Variants in CHD7 observed in about 807,000 individuals in gnomAD.
CHD7 encodes the protein ATP-dependent chromatin remodeler CHD7.
CHD7 carries 24 observed loss-of-function variants against 307.3 expected under a neutral mutation model. That is an observed-to-expected ratio of 0.08 (90% CI 0.06 to 0.11). CHD7 has a LOEUF of 0.11. CHD7 is among the 10% of genes least tolerant of loss of function. The probability of loss-of-function intolerance (pLI) is 1.00; values close to 1 mark genes in which losing one functional copy is unlikely to be tolerated. For missense variants in CHD7, 3,106 were observed against 3,727.1 expected (o/e 0.83, Z 4.34); for synonymous variants, 1,363 against 1,349.9 (o/e 1.01, Z -0.21).
At position 60,865,819 on chromosome 8, in the gene CHD7, G is replaced by A. The variant is rs1806220735; in HGVS notation, c.8880G>A (p.Glu2960=). 3 of 1,613,832 alleles carry A rather than the reference G, an allele frequency of 1.9e-6. No individual in the cohort carries two copies. The South Asian group carries it at 3.3e-5, about 18-fold the overall frequency. The change falls in exon 38 of 38, where the codon GAG becomes GAA. Residue 2960 remains glutamate, a synonymous_variant. Transcript: ENST00000423902. This position sits in a 1 kb window ranked among gnomAD's most constrained non-coding sequence, Gnocchi z 4.3. ...CCCTTGAAGGCAGCGATGCCGAGGAGAGCCTGGATAAGACTGCAGAGTCCT... is the reference window on the plus strand; with the variant it reads ...CCCTTGAAGGCAGCGATGCCGAGGAAAGCCTGGATAAGACTGCAGAGTCCT... The part of the protein sequence containing the change: ...GETLEGSDAE[E]SLDKTAESSL...
At chr8:60,735,700 C>T (rs1338460557) in intron 1 of CHD7, among the ~76,000 whole-genome samples, 1 of 152,134 alleles carries the variant, frequency 6.6e-6, no homozygotes, top group Admixed American at 6.5e-5. Flanking sequence ...GAATACTAAT[C>T]TCTGAAAGAG....
At chr8:60,771,850 G>C (rs781052294) in intron 2 of CHD7, among the ~76,000 whole-genome samples, 6 of 152,174 alleles carry the variant, frequency 3.9e-5, no homozygotes, top group African/African-American at 9.7e-5. Context: ...CCCTGGCAAC[G>C]TAGAGTTCCC....
At chr8:60,809,876 A>T (rs1304691988) in intron 7 of CHD7, among the ~76,000 whole-genome samples, 1 of 152,150 alleles carries the variant, frequency 6.6e-6, no homozygotes, top group Non-Finnish European at 1.5e-5. Context: ...TTCCGGAAAG[A>T]TACTTTAAGA....
intron 1 of CHD7, among the ~76,000 whole-genome samples, chr8:60,693,689 A>G (rs1367471270): frequency 6.6e-6 from 1 of 152,222 alleles, no homozygotes; most frequent in Admixed American, 6.5e-5. Flanking sequence ...CTGACATCTG[A>G]TTGGAACACA....
intron 1 of CHD7, among the ~76,000 whole-genome samples, chr8:60,697,507 G>A (rs983884660): frequency 1.5e-4 from 23 of 152,134 alleles, no homozygotes; most frequent in African/African-American, 5.1e-4. Flanking sequence ...TAATAAATGG[G>A]TTGTTGGTAA....
At chr8:60,835,980 C>A in intron 15 of CHD7, 93 bp from the exon 16 acceptor site, 1 of 883,234 alleles carries the variant, frequency 1.1e-6, no homozygotes, top group Non-Finnish European at 1.8e-6. Flanking sequence ...GTTCTGGTTC[C>A]TACAGTTTGC....
rs751778680 is a variant in CHD7, at chr8:60,841,984, C to G, written c.4782C>G (p.Pro1594=). 4.5e-5 allele frequency: 72 copies of G among 1,613,690 alleles called. No individual in the cohort carries two copies. The highest frequency in any genetic ancestry group is 5.6e-5 in the Non-Finnish European group (66 of 1,179,842). ...EEKPCAKPRR[P]QDKSQGYARS... ...AGCCCTGTGCAAAGCCACGGCGTCCCCAGGATAAGTCACAGGGCTATGCAA... is the reference window on the plus strand; with the variant it reads ...AGCCCTGTGCAAAGCCACGGCGTCCGCAGGATAAGTCACAGGGCTATGCAA... Residue 1594 remains proline, a synonymous_variant, in exon 21 of 38, where the codon CCC becomes CCG. Coordinates refer to ENST00000423902, the MANE Select transcript of CHD7 (RefSeq NM_017780.4).
chr8:60,722,303 C>T (rs1197321311), intron 1 of CHD7, among the ~76,000 whole-genome samples: 1 of 152,148 alleles, frequency 6.6e-6, no homozygotes, highest in Non-Finnish European at 1.5e-5. Context: ...GTTTCTAGTT[C>T]TACTCCATGG....
intron 7 of CHD7, chr8:60,809,066 G>T (rs1452550454): frequency 2.0e-5 from 3 of 152,188 alleles, no homozygotes; most frequent in African/African-American, 7.2e-5. Context: ...GCTTTTGTGA[G>T]TTGCTGTGCG....
intron 3 of CHD7, among the ~76,000 whole-genome samples, chr8:60,783,720 C>T (rs918521753): frequency 5.3e-5 from 8 of 152,116 alleles, no homozygotes; most frequent in Non-Finnish European, 1.0e-4. Flanking sequence ...TGCGGATTTA[C>T]AGGTTAAACG....
intron 1 of CHD7, among the ~76,000 whole-genome samples, chr8:60,733,505 TG>T (rs1808557418): frequency 6.6e-6 from 1 of 152,238 alleles, no homozygotes. Context: ...GTCAAGGTGC[TG>T]GCCACCTTCT....
At chr8:60,738,936 A>G (rs1808846435) in intron 1 of CHD7, among the ~76,000 whole-genome samples, 1 of 152,036 alleles carries the variant, frequency 6.6e-6, no homozygotes, top group African/African-American at 2.4e-5. Flanking sequence ...CAGTATGGGT[A>G]CTCTCAGGCA....
intron 1 of CHD7, among the ~76,000 whole-genome samples, chr8:60,685,587 T>G (rs1315148538): frequency 6.6e-6 from 1 of 152,196 alleles, no homozygotes; most frequent in Non-Finnish European, 1.5e-5. Flanking sequence ...AGAAGTTGGT[T>G]GTAGTCATAC....
chr8:60,780,755 A>G lies in CHD7; in HGVS notation c.1666-245A>G, dbSNP rs546061178. Reference sequence around the variant, plus strand: ...AGTTGAGTGAGTTTTTACTTCCTGAACTGATTTTTTTTTACTGTATTAACT... The same window carrying G: ...AGTTGAGTGAGTTTTTACTTCCTGAGCTGATTTTTTTTTACTGTATTAACT... On this transcript the variant is annotated intron_variant, in intron 2 of 37. Transcript: ENST00000423902. 4.1e-4 allele frequency among the ~76,000 whole-genome samples: 63 copies of G among 152,252 alleles called. 1 individual carries two copies. Among genetic ancestry groups the G allele is most frequent in the African/African-American group, 1.2e-3 (50 of 41,556 alleles).
At position 60,769,733 on chromosome 8, in the gene CHD7, A is replaced by G. The variant is rs147028441; in HGVS notation, c.1666-11267A>G. On this transcript the variant is annotated intron_variant, in intron 2 of 37. Coordinates refer to ENST00000423902, the MANE Select transcript of CHD7 (RefSeq NM_017780.4). ...TTTACTAGTCTCTTTCTTGAAAGAG[A>G]ATAGTGTTTTTTTTGTGATTCTAAT... 1.4e-3 allele frequency among the ~76,000 whole-genome samples: 215 copies of G among 152,282 alleles called. 1 individual carries two copies. Among genetic ancestry groups the G allele is most frequent in the African/African-American group, 4.8e-3 (201 of 41,558 alleles).
At chr8:60,822,263 AC>A in intron 11 of CHD7, 118 bp downstream of exon 11, 1 of 867,504 alleles carries the variant, frequency 1.2e-6, no homozygotes, top group Non-Finnish European at 1.7e-6. Context: ...TTTTCAAAAA[AC>A]AAGCATTGAA....
chr8:60,771,626 A>T (rs1810713536), intron 2 of CHD7, among the ~76,000 whole-genome samples: 1 of 140,420 alleles, frequency 7.1e-6, no homozygotes, highest in African/African-American at 2.6e-5. Flanking sequence ...CGAGCCTCAC[A>T]AGGCTGTAGT....
chr8:60,822,387 A>G, intron 11 of CHD7, 116 bp from the exon 12 acceptor site: 1 of 996,752 alleles, frequency 1.0e-6, no homozygotes, highest in Non-Finnish European at 1.4e-6. Flanking sequence ...ATCTAAGAGA[A>G]CATCTAAAGC....
intron 2 of CHD7, among the ~76,000 whole-genome samples, chr8:60,746,205 T>C (rs1809318027): frequency 6.6e-6 from 1 of 152,220 alleles, no homozygotes; most frequent in Non-Finnish European, 1.5e-5. Flanking sequence ...GGCTAATTTT[T>C]GTATTTTTAG....
Sources: allele counts gnomAD v4.1 joint callset (sites outside exome capture counted in the v4.1 genomes callset), GRCh38; gene constraint gnomAD v4.1.1; non-coding constraint Gnocchi (gnomAD v3.1); transcripts MANE v1.5; gene names NCBI Gene and HGNC (gene_info 2026-07-23, HGNC 2026-07-21).